IMPG1: variants seen among roughly 807,000 people sequenced by gnomAD.
IMPG1 encodes the protein interphotoreceptor matrix proteoglycan of 150 kDa.
In IMPG1, 85 loss-of-function variants were observed where a neutral mutation model predicts 92.0. That is an observed-to-expected ratio of 0.92 (90% CI 0.78 to 1.11). IMPG1 has a LOEUF of 1.11. IMPG1 is among the 50% of genes least tolerant of loss of function. The probability of loss-of-function intolerance (pLI) is 0.00; values close to 1 mark genes in which losing one functional copy is unlikely to be tolerated. For missense variants in IMPG1, 1,022 were observed against 956.0 expected, an observed-to-expected ratio of 1.07 and a Z score of -0.91; for synonymous variants, 367 against 334.1, an observed-to-expected ratio of 1.10 and a Z score of -1.08.
chr6:76,013,106 G>A (rs1308183775), intron 7 of IMPG1, among the ~76,000 whole-genome samples: 1 of 152,044 alleles, frequency 6.6e-6, no homozygotes, highest in African/African-American at 2.4e-5. Flanking sequence ...TGGTTTTCTG[G>A]GTGTGTTGGG....
intron 6 of IMPG1, 124 bp downstream of exon 6, chr6:76,021,992 C>T (rs142193126): frequency 9.4e-6 from 5 of 529,280 alleles, no homozygotes; most frequent in Admixed American, 2.4e-5. Flanking sequence ...TGACTCTTAA[C>T]CAGAGTCACA....
intron 1 of IMPG1, among the ~76,000 whole-genome samples, chr6:76,068,715 C>A (rs542907862): frequency 2.6e-5 from 4 of 151,772 alleles, no homozygotes; most frequent in East Asian, 1.9e-4. Flanking sequence ...TGGGGTTTCA[C>A]CATGTTGGCC....
chr6:76,043,133 T>C (rs1260400226), intron 1 of IMPG1, among the ~76,000 whole-genome samples: 1 of 151,596 alleles, frequency 6.6e-6, no homozygotes, highest in Non-Finnish European at 1.5e-5. Context: ...TGGCAGAGAG[T>C]GTTAACAGTG....
At chr6:76,058,268 GTGTT>G (rs1193510985) in intron 1 of IMPG1, among the ~76,000 whole-genome samples, 1 of 152,164 alleles carries the variant, frequency 6.6e-6, no homozygotes. Context: ...AAGAGAGTGA[GTGTT>G]TGGATAAACT....
intron 4 of IMPG1, among the ~76,000 whole-genome samples, chr6:76,031,245 T>C (rs1783648582): frequency 6.6e-6 from 1 of 152,214 alleles, no homozygotes; most frequent in Admixed American, 6.5e-5. Flanking sequence ...GTTAGTATAA[T>C]ATAGTAGCAG....
chr6:76,031,344 C>T (rs1036703077), intron 4 of IMPG1, among the ~76,000 whole-genome samples: 9 of 152,154 alleles, frequency 5.9e-5, no homozygotes, highest in African/African-American at 2.2e-4. Context: ...TTTTACAGTA[C>T]AGTTATCTAG....
At chr6:75,996,551 C>G (rs1782905778) in intron 12 of IMPG1, among the ~76,000 whole-genome samples, 1 of 152,102 alleles carries the variant, frequency 6.6e-6, no homozygotes. Flanking sequence ...AAAAACTGGA[C>G]TGTAACTTGG....
chr6:76,042,825 A>G (rs1783869193), intron 1 of IMPG1, among the ~76,000 whole-genome samples: 1 of 152,138 alleles, frequency 6.6e-6, no homozygotes, highest in Non-Finnish European at 1.5e-5. Flanking sequence ...GCTGGTATCT[A>G]TTAGGGTTAG....
At chr6:76,049,544 A>G (rs1562383873) in intron 1 of IMPG1, among the ~76,000 whole-genome samples, 5 of 152,136 alleles carry the variant, frequency 3.3e-5, no homozygotes. Flanking sequence ...GGTGTATTCA[A>G]TGTGTGGATA....
At chr6:75,924,365 A>G (rs968736781) in intron 15 of IMPG1, among the ~76,000 whole-genome samples, 2 of 133,344 alleles carry the variant, frequency 1.5e-5, no homozygotes, top group East Asian at 4.0e-4. Context: ...GGATGAATGG[A>G]TAAATTGTGA....
intron 6 of IMPG1, among the ~76,000 whole-genome samples, chr6:76,020,207 C>T (rs1783394129): frequency 6.6e-6 from 1 of 152,094 alleles, no homozygotes; most frequent in Non-Finnish European, 1.5e-5. Flanking sequence ...CATGGACCAC[C>T]ATGCCCAGGT....
In IMPG1 at chr6:75,947,298, G is replaced by T. The variant is rs757203031; in HGVS notation, c.2044+16C>A. The T allele has an allele frequency of 3.2e-6, 5 of 1,579,732 alleles. No individual in the cohort carries two copies. In the East Asian group the frequency reaches 9.0e-5, roughly 28 times the overall value. On this transcript the variant is annotated intron_variant, in intron 14 of 16. Coordinates refer to ENST00000369950, the MANE Select transcript of IMPG1 (RefSeq NM_001563.4). ...AACAAAACATCTCTACCACTTTCTG[G>T]GTTGGATTCTTTTACCTGGTTCAAT...
intron 13 of IMPG1, among the ~76,000 whole-genome samples, chr6:75,950,296 G>A (rs1460913932): frequency 6.6e-6 from 1 of 152,134 alleles, no homozygotes; most frequent in Non-Finnish European, 1.5e-5. Flanking sequence ...CTAAGTTAGG[G>A]AGAATTATAA....
intron 13 of IMPG1, among the ~76,000 whole-genome samples, 184 bp downstream of exon 13, chr6:75,950,378 A>G (rs1464922055): frequency 6.6e-6 from 1 of 152,152 alleles, no homozygotes; most frequent in South Asian, 2.1e-4. Context: ...CTATCACAGA[A>G]CTCACTTCCC....
At chr6:75,936,814 T>A (rs1781753613) in intron 14 of IMPG1, among the ~76,000 whole-genome samples, 1 of 152,122 alleles carries the variant, frequency 6.6e-6, no homozygotes, top group African/African-American at 2.4e-5. Context: ...ATTCTGACAC[T>A]GGGGGAGCTG....
chr6:75,937,730 AT>A (rs1781770725), intron 14 of IMPG1, among the ~76,000 whole-genome samples: 1 of 152,210 alleles, frequency 6.6e-6, no homozygotes, highest in African/African-American at 2.4e-5. Flanking sequence ...GGTCTTACAA[AT>A]TATGCCTTTT....
intron 1 of IMPG1, among the ~76,000 whole-genome samples, chr6:76,055,577 C>A: frequency 6.6e-6 from 1 of 151,084 alleles, no homozygotes; most frequent in Non-Finnish European, 1.5e-5. Flanking sequence ...TGAAAGAGAT[C>A]ATAAATATAA....
intron 6 of IMPG1, 89 bp downstream of exon 6, chr6:76,022,027 A>G (rs985806809): frequency 2.9e-6 from 2 of 682,654 alleles, no homozygotes; most frequent in African/African-American, 1.8e-5. Flanking sequence ...ATATTATTTA[A>G]AGGATGGTTT....
intron 2 of IMPG1, among the ~76,000 whole-genome samples, chr6:76,037,956 A>G (rs548483530): frequency 6.6e-6 from 1 of 152,302 alleles, no homozygotes; most frequent in East Asian, 1.9e-4. Flanking sequence ...TTTCATTCCA[A>G]TTTAAGTCTT....
Sources: allele counts gnomAD v4.1 joint callset (sites outside exome capture counted in the v4.1 genomes callset), GRCh38; gene constraint gnomAD v4.1.1; transcripts MANE v1.5; gene names NCBI Gene and HGNC (gene_info 2026-07-23, HGNC 2026-07-21).